LHFPL3: variants seen among roughly 807,000 people sequenced by gnomAD.
LHFPL3 encodes LHFPL tetraspan subfamily member 3 protein.
LHFPL3 carries 5 observed loss-of-function variants against 19.3 expected under a neutral mutation model. The ratio of observed to expected loss-of-function variants is 0.26; its 90% CI spans 0.14 to 0.54. The LOEUF (loss-of-function observed/expected upper bound fraction) is 0.54. LHFPL3 is among the 20% of genes least tolerant of loss of function. The probability of loss-of-function intolerance (pLI) is 0.94; values close to 1 mark genes in which losing one functional copy is unlikely to be tolerated. For synonymous variants in LHFPL3, 133 were observed against 126.2 expected, an observed-to-expected ratio of 1.05 and a Z score of -0.36; for missense variants, 249 against 307.4, an observed-to-expected ratio of 0.81 and a Z score of 1.42.
intron 1 of LHFPL3, among the ~76,000 whole-genome samples, chr7:104,719,648 A>G (rs1266816390): frequency 5.3e-5 from 8 of 152,228 alleles, no homozygotes; most frequent in African/African-American, 1.9e-4. Flanking sequence ...TCATTTTATT[A>G]GTAGTTCTTG....
chr7:104,661,653 A>G (rs1236221885), intron 1 of LHFPL3, among the ~76,000 whole-genome samples: 1 of 152,142 alleles, frequency 6.6e-6, no homozygotes, highest in African/African-American at 2.4e-5. Context: ...ACTTTGCAAG[A>G]CCCCCAAAGG....
intron 1 of LHFPL3, among the ~76,000 whole-genome samples, chr7:104,635,766 A>G (rs1426771382): frequency 6.6e-6 from 1 of 152,190 alleles, no homozygotes; most frequent in Non-Finnish European, 1.5e-5. Context: ...GAGATCTTCC[A>G]GTATGAGAAT....
intron 1 of LHFPL3, among the ~76,000 whole-genome samples, chr7:104,643,179 C>G (rs1341916163): frequency 6.6e-6 from 1 of 152,148 alleles, no homozygotes; most frequent in Non-Finnish European, 1.5e-5. Context: ...TCATCTGGCT[C>G]TCTCTATAGG....
At position 104,548,379 on chromosome 7, in the gene LHFPL3, A is replaced by G. The variant is rs558970626; in HGVS notation, c.446-188296A>G. 5.3e-5 allele frequency among the ~76,000 whole-genome samples: 8 copies of G among 152,252 alleles called. No individual in the cohort carries two copies. In the South Asian group the frequency reaches 1.7e-3, roughly 32 times the overall value. On this transcript the variant is annotated intron_variant, in intron 1 of 2. Transcript: ENST00000424859. ...CATATACATCCTAAATTGATTTTTA[A>G]AATTGGGGATTTTAAAAATTAAATG... is the stretch of plus-strand genomic sequence containing the variant.
intron 2 of LHFPL3, among the ~76,000 whole-genome samples, chr7:104,795,253 A>C (rs1244182621): frequency 1.3e-5 from 2 of 152,194 alleles, no homozygotes; most frequent in African/African-American, 4.8e-5. Context: ...AATGAAATGA[A>C]GGAAATGCAC....
intron 2 of LHFPL3, among the ~76,000 whole-genome samples, chr7:104,819,331 T>G (rs778668220): frequency 2.6e-5 from 4 of 151,046 alleles, no homozygotes; most frequent in Non-Finnish European, 4.4e-5. Context: ...CTGCTGTTCT[T>G]CACCCATCTC....
intron 2 of LHFPL3, among the ~76,000 whole-genome samples, chr7:104,787,739 G>T (rs1249323602): frequency 1.3e-5 from 2 of 152,066 alleles, no homozygotes; most frequent in East Asian, 1.9e-4. Context: ...TATGTGATAG[G>T]GTCTTCCTGT....
At chr7:104,392,610 G>T (rs1164190883) in intron 1 of LHFPL3, among the ~76,000 whole-genome samples, 1 of 152,118 alleles carries the variant, frequency 6.6e-6, no homozygotes, top group African/African-American at 2.4e-5. Context: ...GGGGATTTTT[G>T]CATCAATGTT....
intron 1 of LHFPL3, among the ~76,000 whole-genome samples, chr7:104,555,057 G>A (rs1408340574): frequency 6.6e-6 from 1 of 152,132 alleles, no homozygotes; most frequent in Non-Finnish European, 1.5e-5. Context: ...TTCTCACACT[G>A]AGGGCATATC....
At chr7:104,614,097 A>C (rs1429446279) in intron 1 of LHFPL3, among the ~76,000 whole-genome samples, 1 of 152,164 alleles carries the variant, frequency 6.6e-6, no homozygotes, top group Non-Finnish European at 1.5e-5. Flanking sequence ...ACATTTCAAA[A>C]AGGCAGAGAA....
intron 2 of LHFPL3, among the ~76,000 whole-genome samples, chr7:104,737,974 C>CACTGTTTATGCGGGTAA (rs56368138): frequency 6.6e-6 from 1 of 151,998 alleles, no homozygotes; most frequent in African/African-American, 2.4e-5. Flanking sequence ...TCTAGACCAT[C>CACTGTTTATGCGGGTAA]ACTGTTTATG....
At chr7:104,637,432 G>A (rs986619273) in intron 1 of LHFPL3, among the ~76,000 whole-genome samples, 5 of 152,188 alleles carry the variant, frequency 3.3e-5, no homozygotes, top group Middle Eastern at 3.4e-3. Flanking sequence ...TGCTTTTGGC[G>A]TCTTCATCAT....
intron 2 of LHFPL3, among the ~76,000 whole-genome samples, chr7:104,878,223 C>T (rs922959270): frequency 1.3e-5 from 2 of 151,986 alleles, no homozygotes; most frequent in African/African-American, 4.8e-5. Context: ...ACAGGCACAC[C>T]TCATATTTAT....
intron 2 of LHFPL3, among the ~76,000 whole-genome samples, chr7:104,835,052 A>G (rs999417822): frequency 2.6e-4 from 40 of 151,552 alleles, no homozygotes; most frequent in African/African-American, 9.5e-4. Flanking sequence ...TAGCAGTTTA[A>G]CCTCCAGTGT....
At chr7:104,577,677 T>G (rs1051122389) in intron 1 of LHFPL3, among the ~76,000 whole-genome samples, 1 of 152,326 alleles carries the variant, frequency 6.6e-6, no homozygotes, top group East Asian at 1.9e-4. Flanking sequence ...TGTTCTCTGG[T>G]TTCATAAACT....
At chr7:104,568,215 C>T (rs1476749712) in intron 1 of LHFPL3, among the ~76,000 whole-genome samples, 1 of 152,174 alleles carries the variant, frequency 6.6e-6, no homozygotes, top group African/African-American at 2.4e-5. Context: ...TAAAGAGCTA[C>T]TGACTTGGTA....
rs192067586 is a variant in LHFPL3, at chr7:104,848,830, C to T, written c.683-57357C>T. Reference sequence around the variant, plus strand: ...GGAGGCCTGGTGGCATATCAGCATGCGAATATGCCAAGCTGGCTTCCTAGT... The same window carrying T: ...GGAGGCCTGGTGGCATATCAGCATGTGAATATGCCAAGCTGGCTTCCTAGT... On this transcript the variant is annotated intron_variant, in intron 2 of 2. Transcript: ENST00000424859. Among the ~76,000 whole-genome samples the T allele has an allele frequency of 2.5e-3, 385 of 152,154 alleles. 1 individual carries two copies. The highest frequency in any genetic ancestry group is 3.6e-3 in the Non-Finnish European group (244 of 68,010).
intron 1 of LHFPL3, among the ~76,000 whole-genome samples, chr7:104,479,714 T>C (rs1036962743): frequency 6.6e-6 from 1 of 152,156 alleles, no homozygotes; most frequent in Non-Finnish European, 1.5e-5. Flanking sequence ...TCTGCAACTG[T>C]TAAACAGCCC....
chr7:104,596,033 C>T (rs554929385), intron 1 of LHFPL3, among the ~76,000 whole-genome samples: 2 of 152,232 alleles, frequency 1.3e-5, no homozygotes, highest in East Asian at 3.8e-4. Context: ...GACAATACCC[C>T]ACCCTGCTTT....
Sources: gnomAD v4.1 joint callset for allele counts (sites outside exome capture counted in the v4.1 genomes callset) on GRCh38, gnomAD v4.1.1 for gene constraint, MANE v1.5 for transcripts, NCBI Gene and HGNC (gene_info 2026-07-23, HGNC 2026-07-21) for gene names.